Variants in ZNF221 observed in about 807,000 individuals in gnomAD.
The protein encoded by ZNF221 is zinc finger protein 221.
In ZNF221, 10 loss-of-function variants were observed where a neutral mutation model predicts 12.6. That is an observed-to-expected ratio of 0.79 (90% CI 0.49 to 1.34). The LOEUF (loss-of-function observed/expected upper bound fraction) is 1.34, where lower values mean the gene tolerates loss of function less well. ZNF221 is among the 40% of genes most tolerant of loss of function. The pLI is 0.00. For missense variants in ZNF221, 661 were observed against 721.4 expected, an observed-to-expected ratio of 0.92 and a Z score of 0.96; for synonymous variants, 232 against 244.0, an observed-to-expected ratio of 0.95 and a Z score of 0.46.
At position 43,966,410 on chromosome 19, in the gene ZNF221, T is replaced by C; in HGVS notation, c.908T>C (p.Ile303Thr). ...TCACAGCTTCAAGAACATCAGAGAA[T>C]CCATACTGGGGAGAAGCCATTCAAA... ...HDSQLQEHQR[I>T]HTGEKPFKCD... Residue 303 changes from isoleucine (I) to threonine (T), a missense_variant, in exon 5 of 5, where the codon ATC becomes ACC. Physicochemically the swap from Ile to Thr is moderately conservative, Grantham distance 89. Coordinates refer to ENST00000587682, the MANE Select transcript of ZNF221 (RefSeq NM_001297588.2). The C allele has an allele frequency of 6.2e-7, 1 of 1,614,006 alleles. No individual in the cohort carries two copies. The highest frequency in any genetic ancestry group is 8.5e-7 in the Non-Finnish European group (1 of 1,179,968).
the ZNF221 span, among the ~76,000 whole-genome samples, chr19:43,980,593 A>G: frequency 6.6e-6 from 1 of 152,254 alleles, no homozygotes; most frequent in Non-Finnish European, 1.5e-5. Flanking sequence ...AGATACATAC[A>G]TACCAGAGGG....
Position 43,966,137 on chromosome 19 carries a change from C to CCCT in ZNF221, c.636_638dup (p.Leu213dup), listed in dbSNP as rs1302265162. 1 of 1,614,170 alleles carries CCCT rather than the reference C, an allele frequency of 6.2e-7. No homozygotes were observed. Among genetic ancestry groups the CCCT allele is most frequent in the Non-Finnish European group, 8.5e-7 (1 of 1,180,034 alleles). ...GGAAAAAGCTTCTGTTACAGCCCAG[C>CCCT]CCTTCATATTCATCAGAGAGTCCAT... is the stretch of plus-strand genomic sequence containing the variant. On this transcript the variant is annotated inframe_insertion, in exon 5 of 5. Coordinates refer to ENST00000587682, the MANE Select transcript of ZNF221 (RefSeq NM_001297588.2).
chr19:43,953,213 AGTGCAGGGATTACAG>A (rs1974702477), intron 1 of ZNF221, among the ~76,000 whole-genome samples: 1 of 150,356 alleles, frequency 6.7e-6, no homozygotes. Flanking sequence ...AGCCTCCCAA[AGTGCAGGGATTACAG>A]GTGTGAGCCA....
chr19:43,961,704 C>T (rs1334498794), intron 1 of ZNF221: 1 of 152,148 alleles, frequency 6.6e-6, no homozygotes, highest in Non-Finnish European at 1.5e-5. Context: ...TTTCTGTAGT[C>T]TTCTTTAATC....
the ZNF221 span, among the ~76,000 whole-genome samples, chr19:43,981,336 G>A: frequency 6.6e-6 from 1 of 152,114 alleles, no homozygotes; most frequent in Non-Finnish European, 1.5e-5. Context: ...CATTACTTCT[G>A]CAAATGGAAA....
the ZNF221 span, among the ~76,000 whole-genome samples, chr19:43,976,246 T>C: frequency 6.6e-6 from 1 of 151,786 alleles, no homozygotes; most frequent in African/African-American, 2.4e-5. Context: ...ACAAAAATTT[T>C]TCTGGTAAAG....
At chr19:43,956,060 T>C (rs1974749432) in intron 1 of ZNF221, among the ~76,000 whole-genome samples, 3 of 152,202 alleles carry the variant, frequency 2.0e-5, no homozygotes, top group Non-Finnish European at 4.4e-5. Context: ...AGTGGGGTAG[T>C]AAATACTCTT....
At chr19:43,980,520 G>A in the ZNF221 span, among the ~76,000 whole-genome samples, 3 of 152,150 alleles carry the variant, frequency 2.0e-5, no homozygotes, top group Non-Finnish European at 4.4e-5. Context: ...CAAATGGCAC[G>A]TTTATATTTT....
chr19:43,951,847 CTCTTTTTTTTTTTTT>C (rs1974675964), intron 1 of ZNF221, among the ~76,000 whole-genome samples: 1 of 116,274 alleles, frequency 8.6e-6, no homozygotes, highest in Non-Finnish European at 1.7e-5. Flanking sequence ...AGTCTTTGAC[CTCTTTTTTTTTTTTT>C]TTTTTTTTTT....
downstream of ZNF221, among the ~76,000 whole-genome samples, chr19:43,972,581 C>T (rs534801069): frequency 2.6e-5 from 4 of 151,930 alleles, no homozygotes; most frequent in African/African-American, 9.6e-5. Flanking sequence ...ACCACTGACC[C>T]CACAGAAATA....
At chr19:43,957,679 C>T (rs562939871) in intron 1 of ZNF221, among the ~76,000 whole-genome samples, 62 of 152,226 alleles carry the variant, frequency 4.1e-4, no homozygotes, top group Admixed American at 2.8e-3. Flanking sequence ...TGACTCTGCC[C>T]TCTGCCTTTT....
rs1336982864 is a variant in ZNF221, at chr19:43,962,835, T to C, written c.81+28T>C. Reference sequence around the variant, plus strand: ...GAGTAGGGCTTGCCTCTCTTGCTGTTAAAATTCCATCTTACTACTCATATT... The same window carrying C: ...GAGTAGGGCTTGCCTCTCTTGCTGTCAAAATTCCATCTTACTACTCATATT... On this transcript the variant is annotated intron_variant, in intron 2 of 4. Transcript: ENST00000587682. 8 of 1,592,266 alleles carry C rather than the reference T, an allele frequency of 5.0e-6. No homozygotes were observed. In the South Asian group the frequency reaches 7.8e-5, roughly 15 times the overall value.
chr19:43,971,282 A>G (rs1203236493), downstream of ZNF221, among the ~76,000 whole-genome samples: 1 of 152,196 alleles, frequency 6.6e-6, no homozygotes. Flanking sequence ...AGAAAAAACC[A>G]TTACCAGCCA....
At position 43,953,586 on chromosome 19, in the gene ZNF221, A is replaced by G. The variant is rs114589937; in HGVS notation, c.-3+2186A>G. Reference sequence around the variant, plus strand: ...CCATGCCTTTACTCTCTAACCATGCATTGGTCTTTCAGGTGACCAGCCACA... The same window carrying G: ...CCATGCCTTTACTCTCTAACCATGCGTTGGTCTTTCAGGTGACCAGCCACA... On this transcript the variant is annotated intron_variant, in intron 1 of 4. Coordinates refer to ENST00000587682, the MANE Select transcript of ZNF221 (RefSeq NM_001297588.2). Among the ~76,000 whole-genome samples, 232 of 152,230 alleles carry G rather than the reference A, an allele frequency of 1.5e-3. 1 individual carries two copies. Among genetic ancestry groups the G allele is most frequent in the Middle Eastern group, 6.8e-3 (2 of 294 alleles).
chr19:43,965,779 A>G (rs766000033), intron 4 of ZNF221, 25 bp from the exon 5 acceptor site: 3 of 1,543,682 alleles, frequency 1.9e-6, no homozygotes, highest in East Asian at 2.3e-5. Context: ...ACTTGCCCAC[A>G]TATATTAATT....
the ZNF221 span, among the ~76,000 whole-genome samples, chr19:43,980,704 G>C: frequency 6.6e-6 from 1 of 152,206 alleles, no homozygotes; most frequent in Non-Finnish European, 1.5e-5. Flanking sequence ...TGGGTGTAGG[G>C]CAAGTAGAAT....
intron 1 of ZNF221, among the ~76,000 whole-genome samples, chr19:43,961,182 G>A (rs1974836907): frequency 6.6e-6 from 1 of 152,218 alleles, no homozygotes; most frequent in African/African-American, 2.4e-5. Context: ...CTAGACTCAA[G>A]CTATCCTCCT....
chr19:43,965,100 C>T, intron 3 of ZNF221, 24 bp downstream of exon 3: 1 of 1,612,150 alleles, frequency 6.2e-7, no homozygotes, highest in Non-Finnish European at 8.5e-7. Context: ...CCCTCTGTAA[C>T]AGAATGTTAG....
At chr19:43,955,980 C>A (rs1974747974) in intron 1 of ZNF221, among the ~76,000 whole-genome samples, 1 of 152,148 alleles carries the variant, frequency 6.6e-6, no homozygotes, top group Admixed American at 6.5e-5. Context: ...CCTAAGAGAG[C>A]ATAGGTATTT....
Sources: gnomAD v4.1 joint callset for allele counts (sites outside exome capture counted in the v4.1 genomes callset) on GRCh38, gnomAD v4.1.1 for gene constraint, MANE v1.5 for transcripts, NCBI Gene and HGNC (gene_info 2026-07-23, HGNC 2026-07-21) for gene names.